Variants in PARL observed in about 807,000 individuals in gnomAD.
PARL encodes presenilin associated rhomboid like.
Under a neutral mutation model 51.6 loss-of-function variants are expected in PARL, and 44 were observed. The ratio of observed to expected loss-of-function variants is 0.85; its 90% CI spans 0.67 to 1.10. PARL has a LOEUF of 1.10. Ranked by LOEUF, PARL falls within the 50% of genes least tolerant of loss-of-function variation. PARL has a pLI of 0.00. For missense variants in PARL, 441 were observed against 469.5 expected, an observed-to-expected ratio of 0.94 and a Z score of 0.56; for synonymous variants, 172 against 164.0, an observed-to-expected ratio of 1.05 and a Z score of -0.37.
intron 4 of PARL, among the ~76,000 whole-genome samples, chr3:183,855,694 G>A (rs1731065983): frequency 6.6e-6 from 1 of 152,132 alleles, no homozygotes; most frequent in Non-Finnish European, 1.5e-5. Context: ...AGTCCTGTCT[G>A]GGTATGATGG....
chr3:183,827,562 G>T (rs1314619231), downstream of PARL, among the ~76,000 whole-genome samples: 2 of 152,204 alleles, frequency 1.3e-5, no homozygotes, highest in African/African-American at 4.8e-5. Flanking sequence ...TGGAAGAACA[G>T]GCTCAACAGT....
intron 9 of PARL, among the ~76,000 whole-genome samples, chr3:183,830,263 C>T (rs982308234): frequency 2.0e-5 from 3 of 152,228 alleles, no homozygotes; most frequent in East Asian, 1.9e-4. Flanking sequence ...AGCCTAACTG[C>T]GGCCTGAAGC....
At chr3:183,871,170 T>C (rs926316311) in intron 1 of PARL, among the ~76,000 whole-genome samples, 6 of 152,112 alleles carry the variant, frequency 3.9e-5, no homozygotes, top group African/African-American at 1.4e-4. Flanking sequence ...AAGATGGTAC[T>C]ATACTCAAAG....
At chr3:183,829,107 A>G (rs1215833772), downstream of PARL, among the ~76,000 whole-genome samples, 1 of 152,206 alleles carries the variant, frequency 6.6e-6, no homozygotes, top group African/African-American at 2.4e-5. Context: ...GCCAGAAAAC[A>G]CTACCTTTCC....
chr3:183,880,454 T>G (rs1560439424), intron 1 of PARL, among the ~76,000 whole-genome samples: 1 of 151,936 alleles, frequency 6.6e-6, no homozygotes, highest in Non-Finnish European at 1.5e-5. Flanking sequence ...CAGGTTGGAG[T>G]GTAATGCCGT....
intron 3 of PARL, among the ~76,000 whole-genome samples, chr3:183,863,134 A>G (rs1039327607): frequency 6.6e-6 from 1 of 152,154 alleles, no homozygotes; most frequent in African/African-American, 2.4e-5. Flanking sequence ...CCCCTAGCAC[A>G]CTCACAGATA....
At chr3:183,845,238 C>A (rs1729809241) in intron 4 of PARL, among the ~76,000 whole-genome samples, 1 of 152,150 alleles carries the variant, frequency 6.6e-6, no homozygotes, top group African/African-American at 2.4e-5. Flanking sequence ...TCCCTGGCAG[C>A]TGATCTACAT....
In PARL at chr3:183,871,238, T is replaced by G. The variant is rs80104328; in HGVS notation, c.126-3178A>C. Among the ~76,000 whole-genome samples the G allele has an allele frequency of 6.7e-3, 1,015 of 152,226 alleles. 8 individuals carry two copies. The highest frequency in any genetic ancestry group is 0.017 in the Middle Eastern group (5 of 294). ...CTATACTGAAAGTAAGGTGGTACTA[T>G]TCTCAAAGTAAGGTGGTACTATACT... On this transcript the variant is annotated intron_variant, in intron 1 of 9. Transcript: ENST00000317096.
At chr3:183,867,697 C>T (rs964251985) in intron 2 of PARL, among the ~76,000 whole-genome samples, 168 bp downstream of exon 2, 3 of 142,744 alleles carry the variant, frequency 2.1e-5, no homozygotes, top group Admixed American at 6.9e-5. Context: ...GAGACTCCGT[C>T]TCAAAAAAAA....
At chr3:183,838,774 T>G (rs939561703) in intron 7 of PARL, among the ~76,000 whole-genome samples, 3 of 152,218 alleles carry the variant, frequency 2.0e-5, no homozygotes, top group African/African-American at 7.2e-5. Context: ...TCATTAAGTT[T>G]GCACTTCAGT....
chr3:183,829,393 C>A lies in PARL; in HGVS notation c.*205G>T. On this transcript the variant is annotated 3_prime_UTR_variant, in exon 10 of 10. Coordinates refer to ENST00000317096, the MANE Select transcript of PARL (RefSeq NM_018622.7). Reference sequence around the variant, plus strand: ...AAGAGAGAACACACACATCTGCTTACAAACTAGATAGAAACCTTTATTTCA... The same window carrying A: ...AAGAGAGAACACACACATCTGCTTAAAAACTAGATAGAAACCTTTATTTCA... The A allele has an allele frequency of 1.3e-6, 2 of 1,483,892 alleles. No individual in the cohort carries two copies. The highest frequency in any genetic ancestry group is 1.3e-5 in the South Asian group (1 of 74,444). 91.9% of individuals were successfully genotyped at this position (1,483,892 alleles called of 1,614,324 possible). A position where few individuals can be genotyped will look rare whatever the true frequency, so the allele number is the denominator to read the frequency against.
At chr3:183,861,809 T>A (rs2108662968) in intron 4 of PARL, among the ~76,000 whole-genome samples, 1 of 152,322 alleles carries the variant, frequency 6.6e-6, no homozygotes, top group South Asian at 2.1e-4. Context: ...GAGAGTCTCA[T>A]CTGTCACCCA....
Position 183,873,500 on chromosome 3 carries a change from T to C in PARL, c.126-5440A>G, listed in dbSNP as rs143637150. 4.9e-4 allele frequency among the ~76,000 whole-genome samples: 75 copies of C among 151,910 alleles called. 1 individual carries two copies. Among genetic ancestry groups the C allele is most frequent in the South Asian group, 3.5e-3 (17 of 4,810 alleles). On this transcript the variant is annotated intron_variant, in intron 1 of 9. Coordinates refer to ENST00000317096, the MANE Select transcript of PARL (RefSeq NM_018622.7). ...GTTGCAGTGAGGCGAGATCACGCCA[T>C]TGCACTCCAGTGTGAGAGCTCCTGA...
chr3:183,878,438 A>G (rs1734089076), intron 1 of PARL, among the ~76,000 whole-genome samples: 1 of 152,174 alleles, frequency 6.6e-6, no homozygotes, highest in Non-Finnish European at 1.5e-5. Flanking sequence ...TGTTTTATCT[A>G]CCACACTAGA....
chr3:183,827,960 C>T (rs1255465179), downstream of PARL, among the ~76,000 whole-genome samples: 6 of 152,200 alleles, frequency 3.9e-5, no homozygotes, highest in Admixed American at 6.5e-5. Flanking sequence ...CCAGTGGAGG[C>T]GGCACAGCCC....
chr3:183,846,863 T>G (rs189985024), intron 4 of PARL, among the ~76,000 whole-genome samples: 2 of 152,360 alleles, frequency 1.3e-5, no homozygotes, highest in East Asian at 3.9e-4. Context: ...TGAAGGCCAG[T>G]TATAGATGAG....
At chr3:183,840,823 C>G (rs1328106676) in intron 6 of PARL, among the ~76,000 whole-genome samples, 183 bp from the exon 7 acceptor site, 2 of 151,860 alleles carry the variant, frequency 1.3e-5, no homozygotes, top group African/African-American at 4.8e-5. Flanking sequence ...ATTCTTGTCC[C>G]CCAGCCTCCT....
chr3:183,852,256 T>C (rs1380147551), intron 4 of PARL, among the ~76,000 whole-genome samples: 1 of 152,152 alleles, frequency 6.6e-6, no homozygotes, highest in Non-Finnish European at 1.5e-5. Context: ...ACAACCCAAA[T>C]GTCCATCAAC....
In PARL at chr3:183,861,291, C is replaced by T. The variant is rs556005295; in HGVS notation, c.511+1462G>A. ...TCAATCCCTTGGTTAAGATTCCATTCAACATTCATTCACTCAACAGATTTT... is the reference window on the plus strand; with the variant it reads ...TCAATCCCTTGGTTAAGATTCCATTTAACATTCATTCACTCAACAGATTTT... On this transcript the variant is annotated intron_variant, in intron 4 of 9. Transcript: ENST00000317096. 70 of 944,258 alleles carry T rather than the reference C, an allele frequency of 7.4e-5. No homozygotes were observed. The African/African-American group carries it at 1.1e-3, about 15-fold the overall frequency. The allele number at this position is 944,258 out of a possible 1,614,324, so 58.5% of individuals were successfully genotyped here.
Sources: allele counts gnomAD v4.1 joint callset (sites outside exome capture counted in the v4.1 genomes callset), GRCh38; gene constraint gnomAD v4.1.1; transcripts MANE v1.5; gene names NCBI Gene and HGNC (gene_info 2026-07-23, HGNC 2026-07-21).